The following PYGO1 variants were observed in gnomAD, a reference collection of about 807,000 sequenced individuals.
The protein encoded by PYGO1 is pygopus homolog 1.
In PYGO1, 6 loss-of-function variants were observed where a neutral mutation model predicts 29.5. That is an observed-to-expected ratio of 0.20 (90% confidence interval 0.11 to 0.40). The LOEUF (loss-of-function observed/expected upper bound fraction) is 0.40. Among genes scored for constraint, PYGO1 ranks in the 10% least tolerant of loss-of-function variants. The probability of loss-of-function intolerance (pLI) is 1.00; values close to 1 mark genes in which losing one functional copy is unlikely to be tolerated. For synonymous variants in PYGO1, 186 were observed against 180.5 expected, an observed-to-expected ratio of 1.03 and a Z score of -0.24; for missense variants, 515 against 514.9, an observed-to-expected ratio of 1.00 and a Z score of 0.00.
intron 1 of PYGO1, among the ~76,000 whole-genome samples, chr15:55,554,620 T>C (rs556171965): frequency 6.6e-6 from 1 of 152,064 alleles, no homozygotes; most frequent in African/African-American, 2.4e-5. Context: ...AAGCTAAGAA[T>C]CATGATAAAA....
intron 1 of PYGO1, among the ~76,000 whole-genome samples, chr15:55,559,644 G>A (rs549520594): frequency 4.6e-5 from 7 of 152,272 alleles, no homozygotes; most frequent in African/African-American, 1.7e-4. Context: ...GGAATACTAT[G>A]CAGCCAGAAA....
At chr15:55,576,663 C>G (rs1306698561) in intron 1 of PYGO1, among the ~76,000 whole-genome samples, 1 of 142,712 alleles carries the variant, frequency 7.0e-6, no homozygotes, top group Non-Finnish European at 1.5e-5. Flanking sequence ...CCCAGCTACT[C>G]GGGAGGCTGA....
chr15:55,585,805 T>A (rs2059043951), intron 1 of PYGO1, among the ~76,000 whole-genome samples: 1 of 152,222 alleles, frequency 6.6e-6, no homozygotes, highest in Non-Finnish European at 1.5e-5. Context: ...TTTCTTTTCC[T>A]TTAACCCCAA....
rs529525511 is a variant in PYGO1 at position 55,588,152 on chromosome 15, C to G, written c.-269G>C. 2.3e-4 allele frequency: 144 copies of G among 617,994 alleles called. 1 individual carries two copies. The African/African-American group carries it at 2.5e-3, about 11-fold the overall frequency. The allele number at this position is 617,994 out of a possible 1,614,324, so 38.3% of individuals were successfully genotyped here. ...GGAGCGCGGCCTGGGGGCGGCCCCC[C>G]ACCCGGGGCCGGCATGTGCTGAGGG... On this transcript the variant is annotated 5_prime_UTR_variant, in exon 1 of 3. Transcript: ENST00000563719.
intron 1 of PYGO1, among the ~76,000 whole-genome samples, chr15:55,555,806 A>G (rs2058902231): frequency 6.6e-6 from 1 of 152,202 alleles, no homozygotes. Flanking sequence ...AAAGACACAC[A>G]TAGGCTCAAA....
chr15:55,553,250 C>T (rs963389733), intron 1 of PYGO1, among the ~76,000 whole-genome samples: 1 of 152,146 alleles, frequency 6.6e-6, no homozygotes, highest in African/African-American at 2.4e-5. Context: ...CATGATGGAG[C>T]CCCTGGGGAA....
In PYGO1 at chr15:55,545,381, T is replaced by C; in HGVS notation, c.*642A>G. 1 of 152,226 alleles carries C rather than the reference T, an allele frequency of 6.6e-6. No individual in the cohort carries two copies. Among genetic ancestry groups the C allele is most frequent in the East Asian group, 1.9e-4 (1 of 5,194 alleles). The allele number at this position is 152,226 out of a possible 1,614,324, so 9.4% of individuals were successfully genotyped here. A position where few individuals can be genotyped will look rare whatever the true frequency, so the allele number is the denominator to read the frequency against. On this transcript the variant is annotated 3_prime_UTR_variant, in exon 3 of 3. Coordinates refer to ENST00000563719, the MANE Select transcript of PYGO1 (RefSeq NM_001367806.1). ...AACTGATCTAATATTAGCAATTTCA[T>C]GTGGTACCATCCACAAGTTAATCAA...
intron 1 of PYGO1, among the ~76,000 whole-genome samples, chr15:55,581,125 G>A (rs2059023318): frequency 6.6e-6 from 1 of 152,184 alleles, no homozygotes; most frequent in Non-Finnish European, 1.5e-5. Context: ...AGGATACTGA[G>A]AGAACATAAG....
chr15:55,581,945 G>A (rs1168064001), intron 1 of PYGO1, among the ~76,000 whole-genome samples: 6 of 152,138 alleles, frequency 3.9e-5, no homozygotes, highest in African/African-American at 1.4e-4. Context: ...AGTGGCTCAT[G>A]CCTACAATCC....
In PYGO1 at chr15:55,587,992, C is replaced by T. The variant is rs1338249896; in HGVS notation, c.-109G>A. 3 of 1,393,922 alleles carry T rather than the reference C, an allele frequency of 2.2e-6. No homozygotes were observed. The highest frequency in any genetic ancestry group is 2.8e-6 in the Non-Finnish European group (3 of 1,067,298). The allele number at this position is 1,393,922 out of a possible 1,614,324, so 86.3% of individuals were successfully genotyped here. A position where few individuals can be genotyped will look rare whatever the true frequency, so the allele number is the denominator to read the frequency against. ...GGGCCGCTGCGGCTGCGAGGCAAGC[C>T]TCGGAGCCGAGGCACGGCCGAGGGC... is the stretch of plus-strand genomic sequence containing the variant. On this transcript the variant is annotated 5_prime_UTR_variant, in exon 1 of 3. Coordinates refer to ENST00000563719, the MANE Select transcript of PYGO1 (RefSeq NM_001367806.1).
intron 1 of PYGO1, among the ~76,000 whole-genome samples, chr15:55,563,297 C>T (rs533079736): frequency 6.6e-6 from 1 of 151,974 alleles, no homozygotes; most frequent in African/African-American, 2.4e-5. Flanking sequence ...CTTTTTCCCC[C>T]CTCCAAATGT....
In PYGO1 at chr15:55,545,912, A is replaced by G; in HGVS notation, c.*111T>C. ...GAAGTGATTAATAAAAACTAAGTAA[A>G]TAATGTTTTTGTGTATGCATTTAAA... On this transcript the variant is annotated 3_prime_UTR_variant, in exon 3 of 3. Transcript: ENST00000563719. 1 of 1,221,552 alleles carries G rather than the reference A, an allele frequency of 8.2e-7. No homozygotes were observed. The highest frequency in any genetic ancestry group is 1.1e-6 in the Non-Finnish European group (1 of 886,898). 75.7% of individuals were successfully genotyped at this position (1,221,552 alleles called of 1,614,324 possible).
chr15:55,558,640 C>T (rs1221382443), intron 1 of PYGO1, among the ~76,000 whole-genome samples: 5 of 151,874 alleles, frequency 3.3e-5, no homozygotes, highest in Non-Finnish European at 7.4e-5. Context: ...GTACTGGTAC[C>T]AAAACAGAGA....
chr15:55,588,066 TCGGGGCGGCGGGGCGG>T lies in PYGO1; in HGVS notation c.-199_-184del. ...CAAAGTTTGGGAGGAGGACGAGGCC[TCGGGGCGGCGGGGCGG>T]CGGGGCGGCGTGCGGGCACCGGCGG... is the stretch of plus-strand genomic sequence containing the variant. On this transcript the variant is annotated 5_prime_UTR_variant, in exon 1 of 3. Transcript: ENST00000563719. 9.2e-7 allele frequency: 1 copy of T among 1,081,762 alleles called. No homozygotes were observed. The highest frequency in any genetic ancestry group is 1.1e-6 in the Non-Finnish European group (1 of 892,696). The allele number at this position is 1,081,762 out of a possible 1,614,324, so 67.0% of individuals were successfully genotyped here.
chr15:55,581,345 G>A (rs1314170660), intron 1 of PYGO1, among the ~76,000 whole-genome samples: 4 of 152,154 alleles, frequency 2.6e-5, no homozygotes, highest in African/African-American at 9.7e-5. Context: ...CTGCAGAACT[G>A]GAGCATAAGA....
At chr15:55,558,044 G>A (rs1268253083) in intron 1 of PYGO1, among the ~76,000 whole-genome samples, 1 of 152,158 alleles carries the variant, frequency 6.6e-6, no homozygotes, top group Non-Finnish European at 1.5e-5. Flanking sequence ...ATTAGGAAAA[G>A]AGGAAGTCAA....
chr15:55,548,935 T>C lies in PYGO1; in HGVS notation c.110A>G (p.Lys37Arg). 1 of 1,613,116 alleles carries C rather than the reference T, an allele frequency of 6.2e-7. No homozygotes were observed. The highest frequency in any genetic ancestry group is 8.5e-7 in the Non-Finnish European group (1 of 1,179,576). The part of the protein sequence containing the change: ...GPGVQLGSPD[K>R]KKRKANTQGP... The stretch of plus-strand genomic sequence containing the variant: ...CTGTGTATTTGCCTTGCGCTTTTTC[T>C]TATCTGGGCTTCCTAGTTGTACACC... Residue 37 changes from lysine (K) to arginine (R), a missense_variant, in exon 2 of 3, where the codon AAG becomes AGG. Transcript: ENST00000563719.
rs547358004 is a variant in PYGO1 at position 55,587,480 on chromosome 15, A to G, written c.49+355T>C. ...ACTTACTTTTTTTGAGGGGGTGGGCACCGTTCGAGGTCTCTGCCAGGGGGT... is the reference window on the plus strand; with the variant it reads ...ACTTACTTTTTTTGAGGGGGTGGGCGCCGTTCGAGGTCTCTGCCAGGGGGT... On this transcript the variant is annotated intron_variant, in intron 1 of 2. Transcript: ENST00000563719. Among the ~76,000 whole-genome samples the G allele has an allele frequency of 1.3e-3, 204 of 151,514 alleles. 3 individuals carry two copies. Among genetic ancestry groups the G allele is most frequent in the African/African-American group, 4.9e-3 (200 of 41,132 alleles).
At chr15:55,558,536 C>T (rs939266995) in intron 1 of PYGO1, among the ~76,000 whole-genome samples, 5 of 151,848 alleles carry the variant, frequency 3.3e-5, no homozygotes, top group African/African-American at 1.2e-4. Context: ...GCCCACATTG[C>T]CAAGACAATC....
Sources: gnomAD v4.1 joint callset for allele counts (sites outside exome capture counted in the v4.1 genomes callset) on GRCh38, gnomAD v4.1.1 for gene constraint, MANE v1.5 for transcripts, NCBI Gene and HGNC (gene_info 2026-07-23, HGNC 2026-07-21) for gene names.